LARGE1: variants seen among roughly 807,000 people sequenced by gnomAD.
LARGE1 encodes LARGE xylosyl- and glucuronyltransferase 1.
In LARGE1, 43 loss-of-function variants were observed where a neutral mutation model predicts 87.6. The observed-to-expected ratio is 0.49, with a 90% confidence interval of 0.38 to 0.63. The LOEUF (loss-of-function observed/expected upper bound fraction) is 0.63. Ranked by LOEUF, LARGE1 falls within the 30% of genes least tolerant of loss-of-function variation. The pLI, the probability that LARGE1 is intolerant of heterozygous loss-of-function variation, is 0.00. For missense variants in LARGE1, 802 were observed against 1,000.2 expected (o/e 0.80, Z 2.67); for synonymous variants, 434 against 394.6 (o/e 1.10, Z -1.18).
At chr22:33,346,280 C>T (rs1387864258) in intron 9 of LARGE1, among the ~76,000 whole-genome samples, 2 of 96,880 alleles carry the variant, frequency 2.1e-5, no homozygotes, top group Admixed American at 1.2e-4. Flanking sequence ...TCTTTCTTTC[C>T]TCCTCCTCCT....
intron 11 of LARGE1, among the ~76,000 whole-genome samples, chr22:33,187,668 C>G (rs1923548714): frequency 6.6e-6 from 1 of 151,952 alleles, no homozygotes; most frequent in Non-Finnish European, 1.5e-5. Flanking sequence ...CCTATAATCC[C>G]AGCACTTTGG....
At chr22:33,746,833 G>A (rs2084105484) in intron 2 of LARGE1, among the ~76,000 whole-genome samples, 1 of 152,130 alleles carries the variant, frequency 6.6e-6, no homozygotes, top group Admixed American at 6.5e-5. Flanking sequence ...TCCAAGTCCT[G>A]GAGCCCAGGA....
intron 4 of LARGE1, among the ~76,000 whole-genome samples, chr22:33,617,850 C>T (rs901085657): frequency 6.6e-6 from 1 of 152,192 alleles, no homozygotes; most frequent in Non-Finnish European, 1.5e-5. Context: ...GTTTCCTTAA[C>T]TGCTCCCTTG....
chr22:33,880,218 AGC>A (rs2146749763), intron 1 of LARGE1, among the ~76,000 whole-genome samples: 1 of 152,322 alleles, frequency 6.6e-6, no homozygotes, highest in African/African-American at 2.4e-5. Flanking sequence ...AGAATCCCAC[AGC>A]CTTTTGGACC....
At chr22:33,308,307 T>C (rs1935171596) in intron 11 of LARGE1, among the ~76,000 whole-genome samples, 1 of 152,150 alleles carries the variant, frequency 6.6e-6, no homozygotes, top group Admixed American at 6.5e-5. Context: ...CGGACCATTC[T>C]AATCTGGTGC....
intron 11 of LARGE1, among the ~76,000 whole-genome samples, chr22:33,227,107 A>G (rs1925778988): frequency 6.6e-6 from 1 of 152,218 alleles, no homozygotes; most frequent in Non-Finnish European, 1.5e-5. Context: ...TCTAAGTGAC[A>G]GCTACCAAAT....
intron 1 of LARGE1, among the ~76,000 whole-genome samples, chr22:33,854,799 T>C (rs1339060400): frequency 2.0e-5 from 3 of 152,202 alleles, no homozygotes; most frequent in African/African-American, 7.2e-5. Context: ...TTGAAACAGT[T>C]ATTCATAAAT....
At chr22:33,532,392 G>A (rs1483051158) in intron 6 of LARGE1, among the ~76,000 whole-genome samples, 3 of 152,212 alleles carry the variant, frequency 2.0e-5, no homozygotes, top group African/African-American at 7.2e-5. Flanking sequence ...TGTACCTGCA[G>A]CAGGGAAATC....
At position 33,422,872 on chromosome 22, in the gene LARGE1, C is replaced by T. The variant is rs1463997485; in HGVS notation, c.892+9289G>A. ...TCATGAGAAATCCACCCCCATGATC[C>T]AATCACTTCCCACCAGGCCCCACCT... On this transcript the variant is annotated intron_variant, in intron 7 of 14. Transcript: ENST00000397394. 6.6e-5 allele frequency among the ~76,000 whole-genome samples: 10 copies of T among 152,262 alleles called. No individual in the cohort carries two copies. In the East Asian group the frequency reaches 1.9e-3, roughly 29 times the overall value.
chr22:33,359,720 C>G lies in LARGE1; in HGVS notation c.1132-21919G>C, dbSNP rs566534007. On this transcript the variant is annotated intron_variant, in intron 9 of 14. Transcript: ENST00000397394. ...CTGGGACTACAGGCGCCCACCACCA[C>G]GCCCGGCTAATTTTTTTGTATTTTT... 2.0e-5 allele frequency among the ~76,000 whole-genome samples: 3 copies of G among 149,114 alleles called. No homozygotes were observed. In the East Asian group the frequency reaches 5.8e-4, roughly 29 times the overall value.
At chr22:33,488,176 T>C (rs1046824905) in intron 6 of LARGE1, among the ~76,000 whole-genome samples, 1 of 152,214 alleles carries the variant, frequency 6.6e-6, no homozygotes, top group African/African-American at 2.4e-5. Context: ...TAGCCACATG[T>C]GGCAATTTAA....
At chr22:33,456,310 C>T (rs1169428602) in intron 6 of LARGE1, among the ~76,000 whole-genome samples, 3 of 152,140 alleles carry the variant, frequency 2.0e-5, no homozygotes, top group East Asian at 1.9e-4. Context: ...CCATCTATAC[C>T]GAGAATCTTC....
chr22:33,471,973 C>T (rs942571481), intron 6 of LARGE1, among the ~76,000 whole-genome samples: 1 of 152,030 alleles, frequency 6.6e-6, no homozygotes, highest in African/African-American at 2.4e-5. Flanking sequence ...TTGTTTGAAC[C>T]CGGGAGGTGG....
At chr22:33,703,497 A>AAAGGACT (rs2082463024) in intron 2 of LARGE1, among the ~76,000 whole-genome samples, 1 of 152,244 alleles carries the variant, frequency 6.6e-6, no homozygotes, top group Admixed American at 6.5e-5. Context: ...CTTTGTAGGT[A>AAAGGACT]TGATTAAAGA....
chr22:33,185,468 A>G (rs1923424847), intron 11 of LARGE1, among the ~76,000 whole-genome samples: 1 of 152,214 alleles, frequency 6.6e-6, no homozygotes. Context: ...GTATGAAACT[A>G]TAACAGTGAA....
chr22:33,819,995 T>C (rs1333580667), intron 1 of LARGE1, among the ~76,000 whole-genome samples: 2 of 152,148 alleles, frequency 1.3e-5, no homozygotes, highest in Non-Finnish European at 2.9e-5. Flanking sequence ...AGAGCTTGCA[T>C]GTGGATGGTC....
intron 10 of LARGE1, among the ~76,000 whole-genome samples, chr22:33,329,065 T>C (rs1037520312): frequency 1.3e-5 from 2 of 152,196 alleles, no homozygotes; most frequent in African/African-American, 4.8e-5. Context: ...GCTGTGCTCA[T>C]GCAGGAGAGA....
At chr22:33,539,207 C>T (rs976999277) in intron 6 of LARGE1, among the ~76,000 whole-genome samples, 12 of 152,054 alleles carry the variant, frequency 7.9e-5, no homozygotes, top group South Asian at 4.1e-4. Context: ...GTATGGTTGG[C>T]CCTACATCTG....
chr22:33,316,385 G>A, intron 10 of LARGE1, 137 bp from the exon 11 acceptor site: 1 of 720,610 alleles, frequency 1.4e-6, no homozygotes, highest in East Asian at 2.8e-5. Flanking sequence ...TACATGGAAG[G>A]GATCACCACT....
Sources: gnomAD v4.1 joint callset for allele counts (sites outside exome capture counted in the v4.1 genomes callset) on GRCh38, gnomAD v4.1.1 for gene constraint, MANE v1.5 for transcripts, NCBI Gene and HGNC (gene_info 2026-07-23, HGNC 2026-07-21) for gene names.